MCTP1: variants seen among roughly 807,000 people sequenced by gnomAD.
The protein encoded by MCTP1 is multiple C2 and transmembrane domain containing 1.
A neutral mutation model predicts 120.6 loss-of-function variants in MCTP1; 69 were observed. The ratio of observed to expected loss-of-function variants is 0.57; its 90% confidence interval spans 0.47 to 0.70. The LOEUF (loss-of-function observed/expected upper bound fraction) is 0.70, where lower values mean the gene tolerates loss of function less well. Among genes scored for constraint, MCTP1 ranks in the 30% least tolerant of loss-of-function variants. MCTP1 has a pLI of 0.00. For missense variants in MCTP1, 1,203 were observed against 1,248.8 expected (o/e 0.96, Z 0.55); for synonymous variants, 529 against 493.1 (o/e 1.07, Z -0.96).
At chr5:95,077,724 G>A (rs1412733695) in intron 1 of MCTP1, among the ~76,000 whole-genome samples, 2 of 151,974 alleles carry the variant, frequency 1.3e-5, no homozygotes, top group Admixed American at 6.6e-5. Context: ...CGCCCACCTC[G>A]GCCTCCCAAA....
At chr5:95,078,031 T>TATCCATCCATCC (rs1011387309) in intron 1 of MCTP1, among the ~76,000 whole-genome samples, 98 of 139,518 alleles carry the variant, frequency 7.0e-4, no homozygotes, top group African/African-American at 2.5e-3. Context: ...ATCATCCATC[T>TATCCATCCATCC]ATCCATCCAT....
intron 18 of MCTP1, among the ~76,000 whole-genome samples, chr5:94,790,365 A>G (rs1778640544): frequency 6.6e-6 from 1 of 152,204 alleles, no homozygotes; most frequent in Non-Finnish European, 1.5e-5. Flanking sequence ...GAAAAAGAGG[A>G]CCCACCAGAC....
chr5:95,062,928 C>T (rs1461683129), intron 1 of MCTP1, among the ~76,000 whole-genome samples: 2 of 152,046 alleles, frequency 1.3e-5, no homozygotes, highest in Admixed American at 1.3e-4. Flanking sequence ...AAGAGATCCT[C>T]CTACCTCAGC....
intron 2 of MCTP1, among the ~76,000 whole-genome samples, chr5:94,986,489 C>T (rs1349831649): frequency 6.6e-6 from 1 of 152,018 alleles, no homozygotes; most frequent in Non-Finnish European, 1.5e-5. Context: ...ACACCCTATC[C>T]CTGTGCTTAG....
chr5:95,134,267 T>C (rs1010396642), intron 1 of MCTP1, among the ~76,000 whole-genome samples: 1 of 152,250 alleles, frequency 6.6e-6, no homozygotes, highest in Admixed American at 6.5e-5. Flanking sequence ...TTATTAAACA[T>C]GATTCCACTA....
chr5:94,787,939 A>G (rs1224490502), intron 18 of MCTP1, among the ~76,000 whole-genome samples: 1 of 152,244 alleles, frequency 6.6e-6, no homozygotes, highest in Non-Finnish European at 1.5e-5. Context: ...GAAGCATAGC[A>G]GAATGAATAA....
chr5:95,183,517 GA>G (rs1158202312), intron 1 of MCTP1, among the ~76,000 whole-genome samples: 1 of 151,860 alleles, frequency 6.6e-6, no homozygotes, highest in Non-Finnish European at 1.5e-5. Context: ...AGGATATCAA[GA>G]AAATGCAAAG....
intron 1 of MCTP1, among the ~76,000 whole-genome samples, chr5:95,140,656 G>T (rs1276226604): frequency 1.6e-5 from 2 of 123,974 alleles, no homozygotes; most frequent in African/African-American, 6.1e-5. Context: ...AGGAGATCGA[G>T]ACCATCCTGG....
intron 16 of MCTP1, among the ~76,000 whole-genome samples, chr5:94,868,866 A>T (rs1179805306): frequency 6.6e-6 from 1 of 151,972 alleles, no homozygotes; most frequent in Non-Finnish European, 1.5e-5. Context: ...TTAGGGTCTT[A>T]TAGAAAAACC....
intron 1 of MCTP1, among the ~76,000 whole-genome samples, chr5:95,233,619 G>A (rs907986938): frequency 1.5e-4 from 23 of 152,046 alleles, no homozygotes; most frequent in African/African-American, 5.6e-4. Context: ...GTGAGCCACC[G>A]CACCTGGCCC....
intron 2 of MCTP1, among the ~76,000 whole-genome samples, chr5:95,003,005 T>C (rs902417217): frequency 1.3e-5 from 2 of 152,156 alleles, no homozygotes; most frequent in South Asian, 2.1e-4. Context: ...GTTCTTGTGA[T>C]AGTGAGTTCT....
intron 18 of MCTP1, among the ~76,000 whole-genome samples, chr5:94,780,798 T>G (rs139154786): frequency 4.6e-5 from 7 of 152,296 alleles, no homozygotes; most frequent in African/African-American, 1.7e-4. Context: ...CCACAAATAC[T>G]TCCTTCTTTA....
At chr5:95,062,035 T>C (rs1749368549) in intron 1 of MCTP1, among the ~76,000 whole-genome samples, 1 of 152,222 alleles carries the variant, frequency 6.6e-6, no homozygotes, top group Non-Finnish European at 1.5e-5. Context: ...GTAATGGTTC[T>C]TATCCAAGCT....
chr5:95,013,800 C>T (rs1251151123), intron 2 of MCTP1, among the ~76,000 whole-genome samples: 1 of 152,126 alleles, frequency 6.6e-6, no homozygotes, highest in South Asian at 2.1e-4. Flanking sequence ...GTTAACACAA[C>T]ATCCATTCTG....
chr5:94,821,657 T>C (rs1785682242), intron 17 of MCTP1, among the ~76,000 whole-genome samples: 1 of 152,164 alleles, frequency 6.6e-6, no homozygotes, highest in Non-Finnish European at 1.5e-5. Flanking sequence ...TAAATGGCAT[T>C]ATACTATACA....
chr5:94,704,842 C>T lies in MCTP1; in HGVS notation c.*2654G>A, dbSNP rs1754167872. 6.9e-6 allele frequency: 1 copy of T among 144,518 alleles called. No individual in the cohort carries two copies. The highest frequency in any genetic ancestry group is 1.5e-5 in the Non-Finnish European group (1 of 65,518). The allele number at this position is 144,518 out of a possible 1,614,324, so 9.0% of individuals were successfully genotyped here. ...TTCCAGTTTTTGAACATTCTATATGCACTAGGATAATCTGAGTTGGGAGAT... is the reference window on the plus strand; with the variant it reads ...TTCCAGTTTTTGAACATTCTATATGTACTAGGATAATCTGAGTTGGGAGAT... On this transcript the variant is annotated 3_prime_UTR_variant, in exon 23 of 23. Transcript: ENST00000515393.
intron 1 of MCTP1, among the ~76,000 whole-genome samples, chr5:95,193,941 T>G (rs1217774387): frequency 2.0e-5 from 3 of 152,196 alleles, no homozygotes; most frequent in African/African-American, 7.2e-5. Context: ...CCAGGCGTGG[T>G]GCTTCACGCT....
intron 2 of MCTP1, among the ~76,000 whole-genome samples, chr5:94,976,343 A>G (rs943051761): frequency 6.6e-6 from 1 of 151,942 alleles, no homozygotes; most frequent in Non-Finnish European, 1.5e-5. Context: ...CCCAGCTACT[A>G]GGGAGGCTGA....
chr5:94,912,920 T>C lies in MCTP1; in HGVS notation c.1407A>G (p.Arg469=), dbSNP rs746581246. 10 of 1,604,860 alleles carry C rather than the reference T, an allele frequency of 6.2e-6. No individual in the cohort carries two copies. The Admixed American group carries it at 6.8e-5, about 11-fold the overall frequency. Residue 469 remains arginine, a synonymous_variant, in exon 9 of 23, where the codon AGA becomes AGG. Coordinates refer to ENST00000515393, the MANE Select transcript of MCTP1 (RefSeq NM_024717.7). ...SDLHRKSHLW[R]GIVSITLIEG... ...CAATCAAGGTGATGCTGACTATTCC[T>C]CTCCAAAGATGCGATTTTCTGTGTA...
Sources: allele counts gnomAD v4.1 joint callset (sites outside exome capture counted in the v4.1 genomes callset), GRCh38; gene constraint gnomAD v4.1.1; transcripts MANE v1.5; gene names NCBI Gene and HGNC (gene_info 2026-07-23, HGNC 2026-07-21).